PGM2L1: variants seen among roughly 807,000 people sequenced by gnomAD.
The protein encoded by PGM2L1 is phosphoglucomutase 2 like 1, also known as glucose 1,6-bisphosphate synthase.
PGM2L1 carries 35 observed loss-of-function variants against 73.4 expected under a neutral mutation model. The observed-to-expected ratio is 0.48, with a 90% CI of 0.36 to 0.63. The LOEUF (loss-of-function observed/expected upper bound fraction) is 0.63. Among genes scored for constraint, PGM2L1 ranks in the 30% least tolerant of loss-of-function variants. The pLI, the probability that PGM2L1 is intolerant of heterozygous loss-of-function variation, is 0.00. For missense variants in PGM2L1, 570 were observed against 742.0 expected (o/e 0.77, Z 2.69); for synonymous variants, 225 against 253.8 (o/e 0.89, Z 1.08).
Position 74,371,830 on chromosome 11 carries a change from A to G in PGM2L1, c.280-13T>C. 1.3e-6 allele frequency: 2 copies of G among 1,574,024 alleles called. No individual in the cohort carries two copies. The highest frequency in any genetic ancestry group is 1.7e-6 in the Non-Finnish European group (2 of 1,143,806). On this transcript the variant is annotated splice_polypyrimidine_tract_variant and intron_variant, in intron 2 of 13. Transcript: ENST00000298198. The stretch of plus-strand genomic sequence containing the variant: ...ATTTGTACATCCCCTGAAGCAAATA[A>G]ACACAAAAGATTAGTTCTAATGGAT...
chr11:74,342,740 T>G, intron 11 of PGM2L1, 90 bp from the exon 12 acceptor site: 1 of 1,373,550 alleles, frequency 7.3e-7, no homozygotes, highest in Non-Finnish European at 9.8e-7. Context: ...TATGGTATTT[T>G]ATACAAAGTG....
In PGM2L1 at chr11:74,398,299, T is replaced by G; in HGVS notation, c.-138A>C. On this transcript the variant is annotated 5_prime_UTR_variant, in exon 1 of 14. Transcript: ENST00000298198. ...TCGGAGACCAACCGCAGGGTGTTCG[T>G]AACAGCTCCTGCCGCGGCGTCAGGG... is the stretch of plus-strand genomic sequence containing the variant. 7.9e-7 allele frequency: 1 copy of G among 1,260,238 alleles called. No homozygotes were observed. The highest frequency in any genetic ancestry group is 1.0e-6 in the Non-Finnish European group (1 of 965,834). The allele number at this position is 1,260,238 out of a possible 1,614,324, so 78.1% of individuals were successfully genotyped here.
chr11:74,351,771 G>A (rs573065793), intron 5 of PGM2L1, among the ~76,000 whole-genome samples, 195 bp from the exon 6 acceptor site: 26 of 152,014 alleles, frequency 1.7e-4, no homozygotes, highest in African/African-American at 6.3e-4. Flanking sequence ...GACCATCCTG[G>A]CTAACGTGGT....
At chr11:74,365,876 G>T (rs945848805) in intron 5 of PGM2L1, among the ~76,000 whole-genome samples, 2 of 152,120 alleles carry the variant, frequency 1.3e-5, no homozygotes, top group African/African-American at 2.4e-5. Flanking sequence ...ATACCCAAAG[G>T]ATTATAAATC....
chr11:74,379,421 A>C (rs563408663), intron 1 of PGM2L1, among the ~76,000 whole-genome samples: 1 of 152,166 alleles, frequency 6.6e-6, no homozygotes, highest in East Asian at 1.9e-4. Flanking sequence ...TACAGGGGAC[A>C]AAACAGCCAA....
chr11:74,373,338 A>G (rs1862804441), intron 2 of PGM2L1, among the ~76,000 whole-genome samples: 2 of 152,208 alleles, frequency 1.3e-5, no homozygotes, highest in Non-Finnish European at 2.9e-5. Context: ...TATTCTACCT[A>G]TGTAACCATC....
rs1591183744 is a variant in PGM2L1, at chr11:74,371,119, G to A, written c.387-133C>T. ...AATATAGCCCTTTCTTATAATCACT[G>A]ATTATTTAAACTTCATGCCCTAATT... On this transcript the variant is annotated intron_variant, in intron 3 of 13. Coordinates refer to ENST00000298198, the MANE Select transcript of PGM2L1 (RefSeq NM_173582.6). 7 of 514,058 alleles carry A rather than the reference G, an allele frequency of 1.4e-5. No homozygotes were observed. The East Asian group carries it at 2.3e-4, about 17-fold the overall frequency. 31.8% of individuals were successfully genotyped at this position (514,058 alleles called of 1,614,324 possible).
intron 4 of PGM2L1, 113 bp downstream of exon 4, chr11:74,370,789 C>A: frequency 1.4e-6 from 1 of 739,952 alleles, no homozygotes; most frequent in Non-Finnish European, 2.0e-6. Flanking sequence ...TCCATTGGTC[C>A]CTTATATTAC....
chr11:74,368,070 G>A (rs889744381), intron 5 of PGM2L1, among the ~76,000 whole-genome samples: 1 of 152,158 alleles, frequency 6.6e-6, no homozygotes, highest in African/African-American at 2.4e-5. Context: ...CACAGAGGCT[G>A]ACCCATCAAG....
At chr11:74,349,528 C>A (rs1239239677) in intron 6 of PGM2L1, among the ~76,000 whole-genome samples, 3 of 152,124 alleles carry the variant, frequency 2.0e-5, no homozygotes, top group African/African-American at 7.2e-5. Context: ...ATCTCAGCCT[C>A]ATTTAGTACA....
Position 74,374,527 on chromosome 11 carries a change from T to A in PGM2L1, c.167A>T (p.Glu56Val). ...ENLLRNGMNK[E>V]LRDRLCCRMT... ...TCGGCAACAAAGACGATCTCGCAGC[T>A]CCTTGTTCATCCCATTCCGTAACAG... The change falls in exon 2 of 14, where the codon GAG becomes GTG. Residue 56 changes from glutamate to valine, a missense_variant. Physicochemically the swap from Glu to Val is moderately radical, Grantham distance 121. Coordinates refer to ENST00000298198, the MANE Select transcript of PGM2L1 (RefSeq NM_173582.6). 1.2e-6 allele frequency: 2 copies of A among 1,614,194 alleles called. No individual in the cohort carries two copies. Among genetic ancestry groups the A allele is most frequent in the Admixed American group, 1.7e-5 (1 of 60,028 alleles).
intron 5 of PGM2L1, among the ~76,000 whole-genome samples, chr11:74,361,598 C>A (rs1175325389): frequency 1.3e-5 from 2 of 152,114 alleles, no homozygotes; most frequent in African/African-American, 4.8e-5. Flanking sequence ...TCAAACTTCT[C>A]CAAGCTAAAG....
chr11:74,344,240 A>C (rs1862229305), intron 9 of PGM2L1, among the ~76,000 whole-genome samples: 1 of 152,152 alleles, frequency 6.6e-6, no homozygotes, highest in Admixed American at 6.5e-5. Flanking sequence ...AACCACTAAT[A>C]TAAGAGTGCC....
chr11:74,352,886 T>C (rs1862379440), intron 5 of PGM2L1, among the ~76,000 whole-genome samples: 1 of 152,202 alleles, frequency 6.6e-6, no homozygotes, highest in African/African-American at 2.4e-5. Context: ...GTAATGCCCA[T>C]GTGCAAGGTA....
intron 6 of PGM2L1, among the ~76,000 whole-genome samples, chr11:74,348,562 G>A (rs1404813516): frequency 6.6e-6 from 1 of 151,944 alleles, no homozygotes; most frequent in African/African-American, 2.4e-5. Context: ...CTCTAATACC[G>A]TATCTGTGTT....
chr11:74,371,146 G>A (rs930556087), intron 3 of PGM2L1, among the ~76,000 whole-genome samples, 160 bp from the exon 4 acceptor site: 2 of 152,102 alleles, frequency 1.3e-5, no homozygotes, highest in Non-Finnish European at 2.9e-5. Flanking sequence ...GCCCTAATTG[G>A]AAAATTTTAA....
intron 1 of PGM2L1, among the ~76,000 whole-genome samples, chr11:74,385,938 C>T (rs1379228411): frequency 6.6e-6 from 1 of 152,010 alleles, no homozygotes; most frequent in African/African-American, 2.4e-5. Flanking sequence ...AAATTATATG[C>T]AAAATGATGC....
At chr11:74,347,906 A>G (rs558705793) in intron 6 of PGM2L1, among the ~76,000 whole-genome samples, 4 of 152,280 alleles carry the variant, frequency 2.6e-5, no homozygotes, top group East Asian at 3.9e-4. Context: ...CTGCCAGGCA[A>G]TCCTACTTTG....
chr11:74,397,745 A>ATTTTTTT (rs71065081), intron 1 of PGM2L1: 57 of 150,042 alleles, frequency 3.8e-4, no homozygotes, highest in African/African-American at 1.1e-3. Flanking sequence ...AATGATGATG[A>ATTTTTTT]TTTTTTTTTT....
Sources: allele counts gnomAD v4.1 joint callset (sites outside exome capture counted in the v4.1 genomes callset), GRCh38; gene constraint gnomAD v4.1.1; transcripts MANE v1.5; gene names NCBI Gene and HGNC (gene_info 2026-07-23, HGNC 2026-07-21).